Variants in CGGBP1 observed in about 807,000 individuals in gnomAD.
CGGBP1 encodes CGG triplet repeat-binding protein 1.
Under a neutral mutation model 11.4 loss-of-function variants are expected in CGGBP1, and 4 were observed. The observed-to-expected ratio is 0.35, with a 90% CI of 0.17 to 0.80. The LOEUF is 0.80. Among genes scored for constraint, CGGBP1 ranks in the 30% least tolerant of loss-of-function variants. CGGBP1 has a pLI of 0.52. For synonymous variants in CGGBP1, 76 were observed against 74.1 expected (o/e 1.03, Z -0.13); for missense variants, 135 against 202.1 (o/e 0.67, Z 2.01).
At position 88,058,151 on chromosome 3, in the gene CGGBP1, C is replaced by G. The variant is rs1329485313; in HGVS notation, c.-258G>C. 1 of 152,188 alleles carries G rather than the reference C, an allele frequency of 6.6e-6. No individual in the cohort carries two copies. Among genetic ancestry groups the G allele is most frequent in the Non-Finnish European group, 1.5e-5 (1 of 68,030 alleles). The allele number at this position is 152,188 out of a possible 1,614,324, so 9.4% of individuals were successfully genotyped here. A position where few individuals can be genotyped will look rare whatever the true frequency, so the allele number is the denominator to read the frequency against. ...AGATGCCTTCAAATCAGTTTTTCAA[C>G]AAGTGGTGGTGGGGAAATAGTTTCT... is the stretch of plus-strand genomic sequence containing the variant. On this transcript the variant is annotated 5_prime_UTR_variant, in exon 2 of 4. Transcript: ENST00000482016.
At chr3:88,144,503 GCTTC>G (rs1032150934) in intron 1 of CGGBP1, 1 of 152,314 alleles carries the variant, frequency 6.6e-6, no homozygotes, top group African/African-American at 2.4e-5. Flanking sequence ...GGAAATTTGT[GCTTC>G]CTTGTTGAAT....
At chr3:88,126,731 G>T (rs1378902331) in intron 2 of CGGBP1, among the ~76,000 whole-genome samples, 1 of 151,942 alleles carries the variant, frequency 6.6e-6, no homozygotes, top group Non-Finnish European at 1.5e-5. Flanking sequence ...CTAGCCCAGT[G>T]CTTGGTACAG....
At chr3:88,079,006 C>T (rs1421311666) in intron 2 of CGGBP1, among the ~76,000 whole-genome samples, 6 of 151,948 alleles carry the variant, frequency 3.9e-5, no homozygotes, top group African/African-American at 1.4e-4. Flanking sequence ...GCTAAAAAGT[C>T]AGTGTTGAAG....
chr3:88,140,397 C>G (rs763673082), intron 2 of CGGBP1: 3 of 1,612,960 alleles, frequency 1.9e-6, no homozygotes, highest in East Asian at 2.2e-5. Context: ...AACTATTAGT[C>G]TGCCAGTTTC....
chr3:88,077,417 TCCG>T (rs1319433426), intron 2 of CGGBP1, among the ~76,000 whole-genome samples: 1 of 150,218 alleles, frequency 6.7e-6, no homozygotes, highest in Non-Finnish European at 1.5e-5. Flanking sequence ...CACTGCAAGC[TCCG>T]CCGCCGGGTT....
At chr3:88,136,390 T>G (rs780953699) in intron 2 of CGGBP1, among the ~76,000 whole-genome samples, 5 of 152,182 alleles carry the variant, frequency 3.3e-5, no homozygotes, top group Non-Finnish European at 5.9e-5. Flanking sequence ...TAGTTTATAC[T>G]CTACTAAAAA....
intron 2 of CGGBP1, among the ~76,000 whole-genome samples, chr3:88,069,446 C>T (rs1369098328): frequency 2.0e-5 from 3 of 152,100 alleles, no homozygotes; most frequent in South Asian, 2.1e-4. Context: ...TGATTCTCAA[C>T]TCTTAGTCCA....
upstream of CGGBP1, among the ~76,000 whole-genome samples, chr3:88,063,606 G>C (rs549960090): frequency 3.9e-5 from 6 of 152,044 alleles, no homozygotes; most frequent in South Asian, 1.0e-3. Flanking sequence ...GCTATTAATT[G>C]GGATTATTTT....
intron 2 of CGGBP1, among the ~76,000 whole-genome samples, chr3:88,109,142 A>AGTGTGTGTGTGTGTGTGTGTGTGTGTGT (rs35595112): frequency 1.4e-5 from 2 of 142,434 alleles, no homozygotes; most frequent in African/African-American, 5.2e-5. Flanking sequence ...AGTGGGCACT[A>AGTGTGTGTGTGTGTGTGTGTGTGTGTGT]GTGTGTGTGT....
At chr3:88,066,980 G>T (rs1707238168) in intron 2 of CGGBP1, among the ~76,000 whole-genome samples, 1 of 152,164 alleles carries the variant, frequency 6.6e-6, no homozygotes. Flanking sequence ...TTGGGAGGAG[G>T]TTGAATTGTA....
intron 2 of CGGBP1, among the ~76,000 whole-genome samples, chr3:88,109,445 G>T (rs1298174662): frequency 6.6e-6 from 1 of 152,064 alleles, no homozygotes; most frequent in African/African-American, 2.4e-5. Flanking sequence ...ACATAGAGTA[G>T]ACCTAATTTT....
chr3:88,144,608 G>T (rs1421071596), intron 1 of CGGBP1: 2 of 152,320 alleles, frequency 1.3e-5, no homozygotes, highest in Non-Finnish European at 2.9e-5. Flanking sequence ...CTCATTTCAA[G>T]AAATTTTTTG....
At chr3:88,077,535 C>G (rs999164422) in intron 2 of CGGBP1, among the ~76,000 whole-genome samples, 15 of 151,970 alleles carry the variant, frequency 9.9e-5, no homozygotes, top group African/African-American at 3.6e-4. Context: ...CGGGGTTTCC[C>G]TGTGTATGGG....
intron 2 of CGGBP1, chr3:88,135,372 A>G: frequency 4.7e-6 from 2 of 421,266 alleles, no homozygotes; most frequent in Non-Finnish European, 8.0e-6. Flanking sequence ...AACTCTCAAC[A>G]TGGGAGGCTG....
chr3:88,073,781 T>TA (rs1707644804), intron 2 of CGGBP1, among the ~76,000 whole-genome samples: 1 of 152,206 alleles, frequency 6.6e-6, no homozygotes, highest in East Asian at 1.9e-4. Context: ...TAAAAATTGT[T>TA]AATCAGTAGC....
At chr3:88,094,203 T>C (rs1260521290) in intron 2 of CGGBP1, among the ~76,000 whole-genome samples, 1 of 152,140 alleles carries the variant, frequency 6.6e-6, no homozygotes, top group Non-Finnish European at 1.5e-5. Context: ...GTATTTTGTT[T>C]ATAGGATTTG....
At chr3:88,088,761 T>G (rs9854275) in intron 2 of CGGBP1, among the ~76,000 whole-genome samples, 45,793 of 125,970 alleles carry the variant, frequency 0.36, 7,344 homozygotes, top group East Asian at 0.48. Flanking sequence ...TGTATGTATG[T>G]ATGGATGGAT....
chr3:88,069,744 T>C (rs1302400948), intron 2 of CGGBP1, among the ~76,000 whole-genome samples: 1 of 152,208 alleles, frequency 6.6e-6, no homozygotes, highest in African/African-American at 2.4e-5. Context: ...TCTCGTGTAA[T>C]ATATTACACA....
chr3:88,063,727 A>G (rs1219054752), upstream of CGGBP1, among the ~76,000 whole-genome samples: 2 of 152,206 alleles, frequency 1.3e-5, no homozygotes, highest in Non-Finnish European at 2.9e-5. Flanking sequence ...AGTGGTTCAA[A>G]CAAGGTGGGC....
Sources: allele counts gnomAD v4.1 joint callset (sites outside exome capture counted in the v4.1 genomes callset), GRCh38; gene constraint gnomAD v4.1.1; transcripts MANE v1.5; gene names NCBI Gene and HGNC (gene_info 2026-07-23, HGNC 2026-07-21).